The following PEX5L variants were observed in gnomAD, a reference collection of about 807,000 sequenced individuals.
PEX5L encodes the protein PEX5-related protein.
Under a neutral mutation model 84.0 loss-of-function variants are expected in PEX5L, and 30 were observed. The observed-to-expected ratio is 0.36, with a 90% CI of 0.27 to 0.48. The LOEUF is 0.48. PEX5L is among the 20% of genes least tolerant of loss of function. The pLI is 0.99. For synonymous variants in PEX5L, 270 were observed against 283.1 expected (o/e 0.95, Z 0.46); for missense variants, 533 against 754.6 (o/e 0.71, Z 3.44).
chr3:179,994,243 T>C (rs1430544979), intron 1 of PEX5L, among the ~76,000 whole-genome samples: 1 of 152,194 alleles, frequency 6.6e-6, no homozygotes, highest in Non-Finnish European at 1.5e-5. Context: ...AAATGGGAAA[T>C]AACAAATGTT....
chr3:180,022,284 T>C (rs1054788249), intron 1 of PEX5L, among the ~76,000 whole-genome samples: 1 of 152,200 alleles, frequency 6.6e-6, no homozygotes, highest in Non-Finnish European at 1.5e-5. Context: ...AAAATAGATA[T>C]TTTAATATGA....
At position 179,874,427 on chromosome 3, in the gene PEX5L, T is replaced by C. The variant is rs1325295782; in HGVS notation, c.630-4A>G. 1.3e-6 allele frequency: 2 copies of C among 1,538,620 alleles called. No homozygotes were observed. The highest frequency in any genetic ancestry group is 1.1e-5 in the South Asian group (1 of 87,510). ...TTGAGATCTGTGTTCTGAGGACCTA[T>C]AAGGGATGCATTAAGGAAATTAAAC... is the stretch of plus-strand genomic sequence containing the variant. On this transcript the variant is annotated splice_polypyrimidine_tract_variant and splice_region_variant and intron_variant, in intron 6 of 14. Coordinates refer to ENST00000467460, the MANE Select transcript of PEX5L (RefSeq NM_016559.3).
intron 1 of PEX5L, among the ~76,000 whole-genome samples, chr3:179,974,693 T>C (rs543222275): frequency 1.3e-5 from 2 of 152,324 alleles, no homozygotes; most frequent in Non-Finnish European, 2.9e-5. Context: ...TTGTTAATGC[T>C]GATAACTTTT....
intron 2 of PEX5L, among the ~76,000 whole-genome samples, chr3:179,899,689 G>T (rs1760651551): frequency 6.6e-6 from 1 of 152,102 alleles, no homozygotes; most frequent in African/African-American, 2.4e-5. Context: ...TTTTTGTATA[G>T]CTAATAGATT....
intron 1 of PEX5L, among the ~76,000 whole-genome samples, chr3:180,004,287 T>A (rs1579308835): frequency 2.6e-5 from 4 of 152,340 alleles, no homozygotes; most frequent in Admixed American, 2.6e-4. Context: ...GATTATATTT[T>A]CACAGTTTCA....
At chr3:179,949,308 C>T (rs1435123096) in intron 2 of PEX5L, among the ~76,000 whole-genome samples, 3 of 152,082 alleles carry the variant, frequency 2.0e-5, no homozygotes, top group African/African-American at 7.2e-5. Flanking sequence ...CCTTAGAGCC[C>T]TTTTTGTTAA....
intron 8 of PEX5L, among the ~76,000 whole-genome samples, chr3:179,829,546 C>T (rs1160874193): frequency 6.6e-6 from 1 of 152,124 alleles, no homozygotes; most frequent in Non-Finnish European, 1.5e-5. Context: ...CTGTTGTGAG[C>T]ACTGAGTGAG....
At chr3:179,991,146 G>C (rs946220757) in intron 1 of PEX5L, among the ~76,000 whole-genome samples, 1 of 152,200 alleles carries the variant, frequency 6.6e-6, no homozygotes, top group Non-Finnish European at 1.5e-5. Context: ...CACGGAGATA[G>C]CACCAAACCG....
At chr3:179,980,519 T>G (rs1169526406) in intron 1 of PEX5L, among the ~76,000 whole-genome samples, 1 of 152,202 alleles carries the variant, frequency 6.6e-6, no homozygotes, top group Non-Finnish European at 1.5e-5. Context: ...TGGCTTCTTT[T>G]GCTCATCCTT....
chr3:180,024,750 G>A (rs1790790292), intron 1 of PEX5L, among the ~76,000 whole-genome samples: 1 of 151,900 alleles, frequency 6.6e-6, no homozygotes, highest in Non-Finnish European at 1.5e-5. Context: ...CAGGGCTGGG[G>A]GTATAAGCAA....
intron 2 of PEX5L, among the ~76,000 whole-genome samples, chr3:179,906,958 G>A (rs375038253): frequency 4.6e-5 from 7 of 152,136 alleles, no homozygotes; most frequent in African/African-American, 1.7e-4. Context: ...ATAGAGGGAG[G>A]TGAGACATAG....
intron 3 of PEX5L, among the ~76,000 whole-genome samples, chr3:179,889,419 C>T (rs973292525): frequency 7.9e-5 from 12 of 152,176 alleles, no homozygotes; most frequent in Admixed American, 5.2e-4. Context: ...CTCATTTAAA[C>T]ATGTGTAAAT....
intron 8 of PEX5L, among the ~76,000 whole-genome samples, chr3:179,831,023 TA>T (rs1732650902): frequency 6.6e-6 from 1 of 152,118 alleles, no homozygotes; most frequent in Admixed American, 6.6e-5. Flanking sequence ...TCTACCATTT[TA>T]AAAAGAAATA....
chr3:179,871,100 CTTTTT>C (rs397801213), intron 7 of PEX5L, among the ~76,000 whole-genome samples: 26 of 95,026 alleles, frequency 2.7e-4, no homozygotes, highest in African/African-American at 1.0e-3. Flanking sequence ...TTGAGTTATA[CTTTTT>C]TTTTTTTTTT....
intron 2 of PEX5L, chr3:179,900,791 C>T (rs1268489179): frequency 3.9e-6 from 5 of 1,288,226 alleles, no homozygotes; most frequent in Non-Finnish European, 5.4e-6. Flanking sequence ...TTTTTCTTTA[C>T]AGCCTTTTTT....
intron 1 of PEX5L, among the ~76,000 whole-genome samples, chr3:179,996,316 A>G (rs1369842761): frequency 6.6e-6 from 1 of 152,216 alleles, no homozygotes; most frequent in East Asian, 1.9e-4. Context: ...TAATGGGGGA[A>G]GGAACATAGA....
At chr3:179,928,147 A>G (rs1772001342) in intron 2 of PEX5L, among the ~76,000 whole-genome samples, 1 of 152,160 alleles carries the variant, frequency 6.6e-6, no homozygotes, top group Non-Finnish European at 1.5e-5. Flanking sequence ...TTTGCCAACA[A>G]TTCTCTTTAC....
At chr3:179,829,386 T>C (rs1731769611) in intron 8 of PEX5L, among the ~76,000 whole-genome samples, 1 of 152,190 alleles carries the variant, frequency 6.6e-6, no homozygotes, top group South Asian at 2.1e-4. Flanking sequence ...GTGCTTTATA[T>C]TGGGAACAGT....
At chr3:179,970,734 T>C (rs535987396) in intron 2 of PEX5L, among the ~76,000 whole-genome samples, 138 of 152,248 alleles carry the variant, frequency 9.1e-4, no homozygotes, top group Non-Finnish European at 1.7e-3. Flanking sequence ...AACTGCATGA[T>C]TAGGAAATTG....
Sources: gnomAD v4.1 joint callset for allele counts (sites outside exome capture counted in the v4.1 genomes callset) on GRCh38, gnomAD v4.1.1 for gene constraint, MANE v1.5 for transcripts, NCBI Gene and HGNC (gene_info 2026-07-23, HGNC 2026-07-21) for gene names.